The following IMMP2L variants were observed in gnomAD, a reference collection of about 807,000 sequenced individuals.
IMMP2L encodes mitochondrial inner membrane protease subunit 2.
In IMMP2L, 18 loss-of-function variants were observed where a neutral mutation model predicts 19.3. The ratio of observed to expected loss-of-function variants is 0.93; its 90% CI spans 0.64 to 1.38. IMMP2L has a LOEUF of 1.38. Among genes scored for constraint, IMMP2L ranks in the 40% most tolerant of loss-of-function variants. IMMP2L has a pLI of 0.00. For missense variants in IMMP2L, 233 were observed against 218.2 expected, an observed-to-expected ratio of 1.07 and a Z score of -0.43; for synonymous variants, 76 against 73.0, an observed-to-expected ratio of 1.04 and a Z score of -0.21.
At chr7:110,897,209 C>T (rs1298764023) in intron 4 of IMMP2L, among the ~76,000 whole-genome samples, 3 of 152,002 alleles carry the variant, frequency 2.0e-5, no homozygotes, top group African/African-American at 7.2e-5. Flanking sequence ...TTTTGAAAGG[C>T]AAAATGTGCC....
chr7:110,938,400 G>A (rs1204184641), intron 4 of IMMP2L, among the ~76,000 whole-genome samples: 3 of 152,142 alleles, frequency 2.0e-5, no homozygotes, highest in African/African-American at 7.2e-5. Context: ...GCCTCAAGAG[G>A]GATGGTGGAA....
At position 111,123,781 on chromosome 7, in the gene IMMP2L, G is replaced by T; in HGVS notation, c.240-160216C>A. The T allele has an allele frequency of 6.2e-7, 1 of 1,613,904 alleles. No homozygotes were observed. Among genetic ancestry groups the T allele is most frequent in the Admixed American group, 1.7e-5 (1 of 59,962 alleles). ...TGCATTTTTCAGACTCCCCAAGCTGGAATCACTCATGCTGAACAGCAATGC... is the reference window on the plus strand; with the variant it reads ...TGCATTTTTCAGACTCCCCAAGCTGTAATCACTCATGCTGAACAGCAATGC... On this transcript the variant is annotated intron_variant, in intron 3 of 5. Coordinates refer to ENST00000405709, the MANE Select transcript of IMMP2L (RefSeq NM_032549.4). This position sits in a 1 kb window ranked among gnomAD's most constrained non-coding sequence, Gnocchi z 6.4.
In IMMP2L at chr7:111,534,679, A is replaced by G. The variant is rs191267641; in HGVS notation, c.-2-13230T>C. ...AATGTAAATTAGCTCATATATAGGA[A>G]AATGACGTCAGTCTTATGTGAAAGC... On this transcript the variant is annotated intron_variant, in intron 1 of 5. Transcript: ENST00000405709. 7.1e-4 allele frequency among the ~76,000 whole-genome samples: 108 copies of G among 152,288 alleles called. 1 individual carries two copies. The highest frequency in any genetic ancestry group is 3.4e-3 in the Middle Eastern group (1 of 294).
intron 3 of IMMP2L, among the ~76,000 whole-genome samples, chr7:110,967,156 G>C (rs1239481303): frequency 1.3e-5 from 2 of 152,104 alleles, no homozygotes; most frequent in African/African-American, 2.4e-5. Flanking sequence ...TAGCAGCTCT[G>C]TGTGGTATGG....
intron 5 of IMMP2L, among the ~76,000 whole-genome samples, chr7:110,822,838 T>C (rs1803155829): frequency 6.6e-6 from 1 of 152,124 alleles, no homozygotes; most frequent in South Asian, 2.1e-4. Context: ...ATTATTTGCT[T>C]ACATGTCTTT....
At chr7:110,881,441 T>C (rs541560971) in intron 5 of IMMP2L, among the ~76,000 whole-genome samples, 5 of 152,298 alleles carry the variant, frequency 3.3e-5, no homozygotes, top group African/African-American at 1.2e-4. Flanking sequence ...ATAAAACTAT[T>C]GTTACCAATA....
At chr7:111,075,176 G>T (rs914015540) in intron 3 of IMMP2L, among the ~76,000 whole-genome samples, 1 of 133,952 alleles carries the variant, frequency 7.5e-6, no homozygotes, top group East Asian at 2.3e-4. Context: ...ACCCAGGCTG[G>T]AGTACAGTGG....
chr7:111,083,531 G>T (rs1334648715), intron 3 of IMMP2L, among the ~76,000 whole-genome samples: 1 of 152,122 alleles, frequency 6.6e-6, no homozygotes, highest in East Asian at 1.9e-4. Context: ...GAGAACGAGG[G>T]CCTCAAAAGA....
At chr7:111,485,060 T>G (rs1842514839) in intron 3 of IMMP2L, among the ~76,000 whole-genome samples, 1 of 152,134 alleles carries the variant, frequency 6.6e-6, no homozygotes. Context: ...AGTGCCAGGA[T>G]TACAGGCCTG....
intron 4 of IMMP2L, among the ~76,000 whole-genome samples, chr7:110,909,814 G>C (rs933114749): frequency 4.6e-5 from 7 of 151,928 alleles, no homozygotes; most frequent in African/African-American, 1.7e-4. Context: ...ATTCATTAAA[G>C]TATATCTGTA....
intron 2 of IMMP2L, among the ~76,000 whole-genome samples, chr7:111,497,755 T>C (rs1434365168): frequency 1.3e-5 from 2 of 152,044 alleles, no homozygotes; most frequent in African/African-American, 4.8e-5. Flanking sequence ...ATCTCTCTGA[T>C]TGTATTTCTT....
intron 3 of IMMP2L, among the ~76,000 whole-genome samples, chr7:111,444,221 A>G (rs757384581): frequency 6.6e-6 from 1 of 152,178 alleles, no homozygotes; most frequent in Non-Finnish European, 1.5e-5. Flanking sequence ...ATATTCATGT[A>G]TCCGCTGATA....
chr7:110,785,248 C>A (rs1191055064), intron 5 of IMMP2L, among the ~76,000 whole-genome samples: 3 of 151,898 alleles, frequency 2.0e-5, no homozygotes, highest in Non-Finnish European at 4.4e-5. Flanking sequence ...GGCTTGTCAT[C>A]TTTTAAAAAT....
chr7:110,797,855 A>G (rs1020389276), intron 5 of IMMP2L, among the ~76,000 whole-genome samples: 8 of 152,048 alleles, frequency 5.3e-5, no homozygotes, highest in African/African-American at 1.7e-4. Flanking sequence ...AATAAGTGTC[A>G]TGTCAGCATC....
intron 3 of IMMP2L, among the ~76,000 whole-genome samples, chr7:111,008,513 T>C (rs1010191363): frequency 8.6e-5 from 13 of 152,030 alleles, no homozygotes; most frequent in Non-Finnish European, 1.5e-5. Flanking sequence ...CCTAGGCTCC[T>C]AGCCACCTCC....
intron 3 of IMMP2L, among the ~76,000 whole-genome samples, chr7:111,094,160 G>A (rs796731392): frequency 2.0e-5 from 3 of 152,142 alleles, no homozygotes; most frequent in Admixed American, 6.5e-5. Flanking sequence ...TTTTTTTGGG[G>A]TGTAACATTC....
intron 5 of IMMP2L, among the ~76,000 whole-genome samples, chr7:110,883,271 C>T (rs1381087117): frequency 2.0e-5 from 3 of 152,108 alleles, no homozygotes; most frequent in Non-Finnish European, 4.4e-5. Flanking sequence ...TCATTTTCCA[C>T]AGTTGTCTGT....
At chr7:110,934,370 C>G (rs187534674) in intron 4 of IMMP2L, among the ~76,000 whole-genome samples, 2 of 152,262 alleles carry the variant, frequency 1.3e-5, no homozygotes, top group East Asian at 3.9e-4. Flanking sequence ...TGGTCCAGAG[C>G]TGAGTTCAAG....
At chr7:111,333,576 C>T (rs1018482561) in intron 3 of IMMP2L, among the ~76,000 whole-genome samples, 1 of 151,854 alleles carries the variant, frequency 6.6e-6, no homozygotes, top group Non-Finnish European at 1.5e-5. Context: ...ATGCAAAGCT[C>T]CCTAGGTGTG....
Sources: gnomAD v4.1 joint callset for allele counts (sites outside exome capture counted in the v4.1 genomes callset) on GRCh38, gnomAD v4.1.1 for gene constraint, Gnocchi (gnomAD v3.1) non-coding constraint, MANE v1.5 for transcripts, NCBI Gene and HGNC (gene_info 2026-07-23, HGNC 2026-07-21) for gene names.